UBFD1: variants seen among roughly 807,000 people sequenced by gnomAD.
UBFD1 encodes the protein ubiquitin domain-containing protein UBFD1.
A neutral mutation model predicts 35.1 loss-of-function variants in UBFD1; 12 were observed. That is an observed-to-expected ratio of 0.34 (90% confidence interval 0.22 to 0.55). UBFD1 has a LOEUF of 0.55. UBFD1 is among the 20% of genes least tolerant of loss of function. UBFD1 has a pLI of 0.89. For synonymous variants in UBFD1, 178 were observed against 167.6 expected (o/e 1.06, Z -0.48); for missense variants, 337 against 410.8 (o/e 0.82, Z 1.55).
chr16:23,564,079 TG>T (rs1965977194), intron 5 of UBFD1: 1 of 152,248 alleles, frequency 6.6e-6, no homozygotes, highest in African/African-American at 2.4e-5. Context: ...CACCTGTTTC[TG>T]ACCAGCACTG....
Position 23,559,674 on chromosome 16 carries a change from A to G in UBFD1, c.562A>G (p.Lys188Glu). The part of the protein sequence containing the change: ...ENKKEPLCRQ[K>E]QHRKVLDKGK... ...CAAGAAGGAGCCTCTCTGCAGGCAG[A>G]AAGTGAGTCCATCTTGTGCTTCTTG... The change falls in exon 3 of 7, where the codon AAA (lysine) becomes GAA (glutamate). Residue 188 changes from lysine (K) to glutamate (E), a missense_variant and splice_region_variant. By Grantham distance (56) the Lys-to-Glu change is moderately conservative. Around this residue, in one of 4 missense-constraint regions of UBFD1, gnomAD observed 44 missense variants for 39.2 expected, o/e 1.12. Transcript: ENST00000395878. 6.2e-7 allele frequency: 1 copy of G among 1,614,236 alleles called. No individual in the cohort carries two copies. Among genetic ancestry groups the G allele is most frequent in the Non-Finnish European group, 8.5e-7 (1 of 1,180,030 alleles).
intron 6 of UBFD1, among the ~76,000 whole-genome samples, chr16:23,570,104 T>G (rs757546625): frequency 5.3e-5 from 8 of 152,204 alleles, no homozygotes; most frequent in Non-Finnish European, 1.2e-4. Flanking sequence ...TAGGGCAGCG[T>G]TTCTCCAACT....
At chr16:23,568,385 CTT>C (rs1382982260) in intron 6 of UBFD1, among the ~76,000 whole-genome samples, 1 of 151,288 alleles carries the variant, frequency 6.6e-6, no homozygotes, top group Non-Finnish European at 1.5e-5. Context: ...GTCTCAATCT[CTT>C]GACCTGGCGA....
chr16:23,557,993 T>C lies in UBFD1; in HGVS notation c.69T>C (p.Ala23=). The C allele has an allele frequency of 7.3e-7, 1 of 1,371,972 alleles. No individual in the cohort carries two copies. The highest frequency in any genetic ancestry group is 9.4e-7 in the Non-Finnish European group (1 of 1,066,236). The allele number at this position is 1,371,972 out of a possible 1,614,324, so 85.0% of individuals were successfully genotyped here. Residue 23 remains alanine, a synonymous_variant, in exon 2 of 7, where the codon GCT becomes GCC. Coordinates refer to ENST00000395878, the MANE Select transcript of UBFD1 (RefSeq NM_019116.3). ...PGMDTEAETV[A]TEAPARPVNC... is the part of the protein sequence containing the mutation. ...TGGACACGGAGGCCGAGACTGTGGC[T>C]ACTGAGGCTCCCGCGCGGCCCGTCA...
rs375338737 is a variant in UBFD1 at position 23,558,237 on chromosome 16, A to G, written c.313A>G (p.Ser105Gly). The G allele has an allele frequency of 2.2e-5, 35 of 1,609,502 alleles. No homozygotes were observed. The highest frequency in any genetic ancestry group is 2.6e-5 in the Non-Finnish European group (31 of 1,178,208). ...TKHDVKFPLD[S>G]TGSELKQKIH... ...GCATGACGTGAAGTTCCCCCTGGAC[A>G]GCACAGGCTCCGAGCTGAAACAGAA... The change falls in exon 2 of 7, where the codon AGC (serine) becomes GGC (glycine). Residue 105 changes from serine (S) to glycine (G), a missense_variant. Ser to Gly is a moderately conservative substitution (Grantham distance 56). Coordinates refer to ENST00000395878, the MANE Select transcript of UBFD1 (RefSeq NM_019116.3).
intron 3 of UBFD1, among the ~76,000 whole-genome samples, chr16:23,561,257 C>A (rs1965928892): frequency 6.6e-6 from 1 of 152,190 alleles, no homozygotes; most frequent in Admixed American, 6.5e-5. Flanking sequence ...TGAGTTTATT[C>A]CTCCCAGAGG....
Position 23,570,948 on chromosome 16 carries a change from TAAA to T in UBFD1, c.*369_*371del, listed in dbSNP as rs57903553. The T allele has an allele frequency of 0.024, 3,304 of 138,760 alleles. 83 individuals carry two copies. The highest frequency in any genetic ancestry group is 0.072 in the Admixed American group (1,021 of 14,138). The allele number at this position is 138,760 out of a possible 1,614,324, so 8.6% of individuals were successfully genotyped here. On this transcript the variant is annotated 3_prime_UTR_variant, in exon 7 of 7. Coordinates refer to ENST00000395878, the MANE Select transcript of UBFD1 (RefSeq NM_019116.3). ...GAATGATCAAAAGCTTTGTTTTTTT[TAAA>T]AAAAAAAAAAGCAGTTTCAATTGAA...
At chr16:23,566,587 C>G (rs541174090) in intron 5 of UBFD1, 355 of 160,856 alleles carry the variant, frequency 2.2e-3, no homozygotes, top group Non-Finnish European at 3.3e-3. Context: ...GTCTCGAACT[C>G]CTGATCTCAG....
intron 3 of UBFD1, among the ~76,000 whole-genome samples, chr16:23,560,226 C>T (rs183987443): frequency 1.3e-5 from 2 of 152,216 alleles, no homozygotes; most frequent in Admixed American, 6.5e-5. Context: ...TGGTTTTTTA[C>T]GTTCTCTGTT....
At chr16:23,563,025 T>C (rs1219002988) in intron 5 of UBFD1, among the ~76,000 whole-genome samples, 1 of 151,884 alleles carries the variant, frequency 6.6e-6, no homozygotes, top group African/African-American at 2.4e-5. Context: ...CACAGAAAAA[T>C]GTTTTGTGGG....
In UBFD1 at chr16:23,559,534, A is replaced by G. The variant is rs1391556636; in HGVS notation, c.422A>G (p.Glu141Gly). Residue 141 changes from glutamate to glycine, a missense_variant, in exon 3 of 7, where the codon GAA becomes GGA. By Grantham distance (98) the Glu-to-Gly change is moderately conservative. Around this residue, in one of 4 missense-constraint regions of UBFD1, gnomAD observed 24 missense variants for 53.7 expected, o/e 0.45. Transcript: ENST00000395878. ...GTCCCCGAGGATAAAACATTGAGAG[A>G]AATAAAAGTGACCAGTGGGGCCAAG... ...GLVPEDKTLR[E>G]IKVTSGAKIM... is the part of the protein sequence containing the mutation. 3.1e-5 allele frequency: 50 copies of G among 1,614,078 alleles called. No homozygotes were observed. Among genetic ancestry groups the G allele is most frequent in the Non-Finnish European group, 4.2e-5 (50 of 1,180,054 alleles).
chr16:23,570,402 A>T, intron 6 of UBFD1, 78 bp from the exon 7 acceptor site: 1 of 1,024,964 alleles, frequency 9.8e-7, no homozygotes, highest in Non-Finnish European at 1.5e-6. Context: ...TCACATCCCA[A>T]CCCTCACCCA....
In UBFD1 at chr16:23,558,177, C is replaced by T. The variant is rs750502304; in HGVS notation, c.253C>T (p.Leu85=). ...CGCGGGCGGCGGCGCGGGCAGGGAG[C>T]TGGTGGACTTGAAGATCATCTGGAA... ...EDAGGGAGRE[L]VDLKIIWNKT... is the part of the protein sequence containing the mutation. The change falls in exon 2 of 7, where the codon CTG becomes TTG. Residue 85 remains leucine (L), a synonymous_variant. Coordinates refer to ENST00000395878, the MANE Select transcript of UBFD1 (RefSeq NM_019116.3). 1 of 1,607,234 alleles carries T rather than the reference C, an allele frequency of 6.2e-7. No homozygotes were observed. The highest frequency in any genetic ancestry group is 2.3e-5 in the East Asian group (1 of 44,004).
rs1222103820 is a variant in UBFD1, at chr16:23,570,621, AC to A, written c.*34del. On this transcript the variant is annotated 3_prime_UTR_variant, in exon 7 of 7. Coordinates refer to ENST00000395878, the MANE Select transcript of UBFD1 (RefSeq NM_019116.3). ...CTTTCACCTCTGGCCCAGGAGACTG[AC>A]CCAAAGTGAAGGACATTGCCGGGAG... is the stretch of plus-strand genomic sequence containing the variant. The A allele has an allele frequency of 6.3e-7, 1 of 1,576,150 alleles. No individual in the cohort carries two copies. The highest frequency in any genetic ancestry group is 8.7e-7 in the Non-Finnish European group (1 of 1,146,150).
At chr16:23,559,032 T>C (rs1357733038) in intron 2 of UBFD1, 1 of 153,736 alleles carries the variant, frequency 6.5e-6, no homozygotes, top group Non-Finnish European at 1.4e-5. Flanking sequence ...TTGAACTTTT[T>C]TTTTTTTTTA....
At chr16:23,563,781 C>T (rs74462606) in intron 5 of UBFD1, among the ~76,000 whole-genome samples, 1,984 of 152,340 alleles carry the variant, frequency 0.013, 18 homozygotes, top group South Asian at 0.019. Context: ...TTAGCCGCAT[C>T]TCTCTGTGAA....
rs1182223143 is a variant in UBFD1 at position 23,570,875 on chromosome 16, T to C, written c.*285T>C. On this transcript the variant is annotated 3_prime_UTR_variant, in exon 7 of 7. Transcript: ENST00000395878. ...TGAATTCCGAACATGTTGTGTGGAA[T>C]ACTCTTAAGTGTGTTTGAGAGTAGA... is the stretch of plus-strand genomic sequence containing the variant. 5 of 245,690 alleles carry C rather than the reference T, an allele frequency of 2.0e-5. No individual in the cohort carries two copies. The highest frequency in any genetic ancestry group is 3.2e-5 in the Non-Finnish European group (4 of 126,592). 15.2% of individuals were successfully genotyped at this position (245,690 alleles called of 1,614,324 possible).
intron 3 of UBFD1, among the ~76,000 whole-genome samples, chr16:23,561,359 C>G (rs994870977): frequency 2.0e-5 from 3 of 152,146 alleles, no homozygotes; most frequent in Non-Finnish European, 2.9e-5. Flanking sequence ...ATTCATTGTC[C>G]CCTAGTTCCA....
chr16:23,571,186 G>A lies in UBFD1; in HGVS notation c.*596G>A, dbSNP rs1966079281. The A allele has an allele frequency of 6.6e-6, 1 of 152,614 alleles. No individual in the cohort carries two copies. Among genetic ancestry groups the A allele is most frequent in the Non-Finnish European group, 1.5e-5 (1 of 68,050 alleles). The allele number at this position is 152,614 out of a possible 1,614,324, so 9.5% of individuals were successfully genotyped here. On this transcript the variant is annotated 3_prime_UTR_variant, in exon 7 of 7. Transcript: ENST00000395878. The stretch of plus-strand genomic sequence containing the variant: ...GTTTTTGTTTTAAGAACCCAAAGAT[G>A]TCAGTTCTTCTTTTGGTACCTCATC...
Sources: gnomAD v4.1 joint callset for allele counts (sites outside exome capture counted in the v4.1 genomes callset) on GRCh38, gnomAD v4.1.1 for gene constraint, gnomAD v4.1.1 regional missense constraint, MANE v1.5 for transcripts, NCBI Gene and HGNC (gene_info 2026-07-23, HGNC 2026-07-21) for gene names.